The following SLC35F4 variants were observed in gnomAD, a reference collection of about 807,000 sequenced individuals.
SLC35F4 encodes solute carrier family 35 member F4.
Under a neutral mutation model 44.2 loss-of-function variants are expected in SLC35F4, and 24 were observed. That is an observed-to-expected ratio of 0.54 (90% confidence interval 0.39 to 0.76). The LOEUF is 0.76. Ranked by LOEUF, SLC35F4 falls within the 30% of genes least tolerant of loss-of-function variation. SLC35F4 has a pLI of 0.00. For synonymous variants in SLC35F4, 238 were observed against 223.6 expected (o/e 1.06, Z -0.57); for missense variants, 562 against 586.1 (o/e 0.96, Z 0.42).
intron 3 of SLC35F4, among the ~76,000 whole-genome samples, chr14:57,586,736 A>AAAAAAAAAAC: frequency 6.9e-6 from 1 of 145,670 alleles, no homozygotes; most frequent in African/African-American, 2.6e-5. Context: ...AAAAAAAAAA[A>AAAAAAAAAAC]AAAAAAAAAA....
chr14:57,795,768 A>G (rs2140829740), intron 1 of SLC35F4, among the ~76,000 whole-genome samples: 1 of 152,322 alleles, frequency 6.6e-6, no homozygotes, highest in East Asian at 1.9e-4. Flanking sequence ...TAATTTAAAA[A>G]TTAATAATAG....
intron 1 of SLC35F4, among the ~76,000 whole-genome samples, chr14:57,835,462 A>G (rs1884823624): frequency 6.6e-6 from 1 of 152,058 alleles, no homozygotes; most frequent in South Asian, 2.1e-4. Flanking sequence ...CTTTCTCAAC[A>G]CTCCTAAAAA....
chr14:57,967,019 A>G (rs1594659831), intron 1 of SLC35F4, among the ~76,000 whole-genome samples: 1 of 152,114 alleles, frequency 6.6e-6, no homozygotes, highest in East Asian at 1.9e-4. Flanking sequence ...CAAAAAAAAA[A>G]AGAAGAAAAG....
At chr14:57,651,943 T>C (rs56226413) in intron 1 of SLC35F4, among the ~76,000 whole-genome samples, 10,426 of 152,184 alleles carry the variant, frequency 0.069, 461 homozygotes, top group South Asian at 0.097. Flanking sequence ...GCAGGGAAGC[T>C]TCAGTGGGTA....
chr14:57,679,702 A>G (rs547043203), intron 1 of SLC35F4, among the ~76,000 whole-genome samples: 1 of 152,230 alleles, frequency 6.6e-6, no homozygotes, highest in Non-Finnish European at 1.5e-5. Flanking sequence ...ATCTCCACTG[A>G]TCCCACAGAA....
At position 57,903,230 on chromosome 14, in the gene SLC35F4, A is replaced by T. The variant is rs567486557; in HGVS notation, n.282+78683T>A. Among the ~76,000 whole-genome samples the T allele has an allele frequency of 5.3e-5, 8 of 152,302 alleles. No homozygotes were observed. The South Asian group carries it at 6.2e-4, about 12-fold the overall frequency. ...TCTCAACACAATAAGGAAAAGTGGG[A>T]ATTTGTAGCCAAGGAACAGGGGAAA... On this transcript the variant is annotated intron_variant and non_coding_transcript_variant, in intron 1 of 1. Transcript: ENST00000556568.
chr14:57,617,375 C>G (rs947151698), intron 1 of SLC35F4, among the ~76,000 whole-genome samples: 16 of 151,940 alleles, frequency 1.1e-4, no homozygotes, highest in Non-Finnish European at 1.9e-4. Flanking sequence ...CGTGATCCAC[C>G]TGCCTCAGCC....
chr14:57,824,729 A>G (rs1883541120), intron 1 of SLC35F4, among the ~76,000 whole-genome samples: 2 of 152,208 alleles, frequency 1.3e-5, no homozygotes, highest in African/African-American at 4.8e-5. Context: ...GATTGGTTTT[A>G]GAAAGAGTAC....
intron 1 of SLC35F4, among the ~76,000 whole-genome samples, chr14:57,737,794 G>A (rs1006612842): frequency 1.3e-5 from 2 of 152,322 alleles, no homozygotes; most frequent in South Asian, 2.1e-4. Context: ...AACCACAGAT[G>A]AGCAGAAGCT....
intron 1 of SLC35F4, among the ~76,000 whole-genome samples, chr14:57,705,470 AG>A (rs1401898009): frequency 2.6e-5 from 4 of 152,132 alleles, no homozygotes; most frequent in Non-Finnish European, 5.9e-5. Flanking sequence ...CATCCCAGAA[AG>A]CTGCCCTCCA....
At chr14:57,913,833 A>T in intron 1 of SLC35F4, among the ~76,000 whole-genome samples, 1 of 152,194 alleles carries the variant, frequency 6.6e-6, no homozygotes, top group East Asian at 1.9e-4. Context: ...CTCTCTGAAG[A>T]ACTTCTTTTA....
At chr14:57,952,589 A>G (rs1035132656) in intron 1 of SLC35F4, among the ~76,000 whole-genome samples, 5 of 151,986 alleles carry the variant, frequency 3.3e-5, no homozygotes, top group Admixed American at 6.6e-5. Flanking sequence ...AAAGAAGAAC[A>G]TAAATGACCT....
Position 57,645,229 on chromosome 14 carries a change from A to G in SLC35F4, c.104-51105T>C, listed in dbSNP as rs371803640. Among the ~76,000 whole-genome samples the G allele has an allele frequency of 5.3e-5, 8 of 152,132 alleles. No individual in the cohort carries two copies. In the East Asian group the frequency reaches 1.2e-3, roughly 22 times the overall value. On this transcript the variant is annotated intron_variant, in intron 1 of 7. Transcript: ENST00000556826. Reference sequence around the variant, plus strand: ...CCTTGGGCAGTATGGCCATTTTCACAATATTGATTCTTCCTACCCATGAGC... The same window carrying G: ...CCTTGGGCAGTATGGCCATTTTCACGATATTGATTCTTCCTACCCATGAGC...
At chr14:57,633,583 C>T (rs1184158441) in intron 1 of SLC35F4, among the ~76,000 whole-genome samples, 2 of 152,076 alleles carry the variant, frequency 1.3e-5, no homozygotes, top group East Asian at 1.9e-4. Flanking sequence ...ATGTACCCTT[C>T]ACCCAGCATT....
At chr14:57,822,769 A>G (rs1295662699) in intron 1 of SLC35F4, among the ~76,000 whole-genome samples, 1 of 152,132 alleles carries the variant, frequency 6.6e-6, no homozygotes, top group African/African-American at 2.4e-5. Flanking sequence ...TTAAAACAAC[A>G]TCATTGGTTT....
intron 1 of SLC35F4, among the ~76,000 whole-genome samples, chr14:57,752,580 C>G (rs2076910745): frequency 6.6e-6 from 1 of 151,972 alleles, no homozygotes; most frequent in South Asian, 2.1e-4. Context: ...TCTGCCTCAG[C>G]CTCCCGAGTA....
intron 1 of SLC35F4, among the ~76,000 whole-genome samples, chr14:57,749,219 TA>T (rs2076827465): frequency 6.6e-6 from 1 of 152,190 alleles, no homozygotes. Flanking sequence ...TTATTCTCAT[TA>T]AATTTTACTG....
intron 1 of SLC35F4, among the ~76,000 whole-genome samples, chr14:57,803,372 G>A (rs2053522183): frequency 6.6e-6 from 1 of 152,086 alleles, no homozygotes; most frequent in Non-Finnish European, 1.5e-5. Flanking sequence ...AAAGCTAGAA[G>A]CATTCTCCTT....
chr14:57,811,429 C>A (rs868673080), intron 1 of SLC35F4, among the ~76,000 whole-genome samples: 1 of 152,274 alleles, frequency 6.6e-6, no homozygotes. Flanking sequence ...ACAATCAGTG[C>A]CTGGCATTTA....
Sources: allele counts gnomAD v4.1 joint callset (sites outside exome capture counted in the v4.1 genomes callset), GRCh38; gene constraint gnomAD v4.1.1; transcripts MANE v1.5; gene names NCBI Gene and HGNC (gene_info 2026-07-23, HGNC 2026-07-21).